The following GRIP1 variants were observed in gnomAD, a reference collection of about 807,000 sequenced individuals.
The protein encoded by GRIP1 is glutamate receptor interacting protein 1.
A neutral mutation model predicts 129.9 loss-of-function variants in GRIP1; 45 were observed. That is an observed-to-expected ratio of 0.35 (90% confidence interval 0.27 to 0.44). The LOEUF (loss-of-function observed/expected upper bound fraction) is 0.44, where lower values mean the gene tolerates loss of function less well. GRIP1 is among the 20% of genes least tolerant of loss of function. The pLI is 1.00. For missense variants in GRIP1, 1,196 were observed against 1,396.8 expected (o/e 0.86, Z 2.29); for synonymous variants, 530 against 520.8 (o/e 1.02, Z -0.24).
intron 2 of GRIP1, among the ~76,000 whole-genome samples, chr12:66,596,602 T>G (rs977893029): frequency 2.0e-5 from 3 of 152,176 alleles, no homozygotes; most frequent in Admixed American, 1.3e-4. Context: ...CAAATTCAAG[T>G]CATTTTGCAA....
Position 66,988,007 on chromosome 12 carries a change from C to T in GRIP1, c.58+81043G>A, listed in dbSNP as rs74902352. 2.0e-5 allele frequency among the ~76,000 whole-genome samples: 3 copies of T among 152,228 alleles called. No individual in the cohort carries two copies. The East Asian group carries it at 5.8e-4, about 29-fold the overall frequency. ...AGTTACCTAAGGTCAAGTCATTTAG[C>T]CCCCAAGGTCTCTGTTTCCTCATTT... On this transcript the variant is annotated intron_variant, in intron 1 of 1. Transcript: ENST00000643019.
intron 2 of GRIP1, among the ~76,000 whole-genome samples, chr12:66,559,642 C>CT (rs2062450310): frequency 1.3e-5 from 2 of 151,930 alleles, no homozygotes; most frequent in South Asian, 4.1e-4. Context: ...ACAATGAAAA[C>CT]TTTAAAACCT....
chr12:66,864,849 T>C (rs150610749), intron 1 of GRIP1, among the ~76,000 whole-genome samples: 4 of 152,328 alleles, frequency 2.6e-5, no homozygotes, highest in Middle Eastern at 6.8e-3. Context: ...ATCTCTGGCA[T>C]ATTTCTTGAA....
chr12:66,670,951 T>C (rs2034050561), intron 1 of GRIP1, among the ~76,000 whole-genome samples: 1 of 152,140 alleles, frequency 6.6e-6, no homozygotes, highest in Non-Finnish European at 1.5e-5. Context: ...GGCTGAAACA[T>C]ATCTAGTAGC....
At chr12:66,357,396 T>C (rs948107256) in intron 23 of GRIP1, among the ~76,000 whole-genome samples, 2 of 152,182 alleles carry the variant, frequency 1.3e-5, no homozygotes, top group African/African-American at 4.8e-5. Flanking sequence ...AGATGCTTGA[T>C]TTCAGTCGAG....
intron 1 of GRIP1, among the ~76,000 whole-genome samples, chr12:66,769,317 G>A (rs982194190): frequency 1.3e-5 from 2 of 151,698 alleles, no homozygotes; most frequent in Non-Finnish European, 2.9e-5. Context: ...AGATACTGAG[G>A]CCCACTCAAG....
At chr12:66,495,214 T>C (rs1399173356) in intron 7 of GRIP1, among the ~76,000 whole-genome samples, 1 of 152,174 alleles carries the variant, frequency 6.6e-6, no homozygotes, top group Non-Finnish European at 1.5e-5. Flanking sequence ...GCCAAAAAAT[T>C]AAATTACCTA....
chr12:66,840,332 T>C (rs1346071222), intron 1 of GRIP1, among the ~76,000 whole-genome samples: 1 of 152,176 alleles, frequency 6.6e-6, no homozygotes, highest in East Asian at 1.9e-4. Flanking sequence ...AATAATGAGC[T>C]ATCAGTTTGG....
intron 2 of GRIP1, among the ~76,000 whole-genome samples, chr12:66,547,840 T>C (rs2061993985): frequency 6.6e-6 from 1 of 152,214 alleles, no homozygotes; most frequent in African/African-American, 2.4e-5. Flanking sequence ...GTTCTGTATC[T>C]TGACTCCATC....
chr12:66,374,430 C>T (rs1299062860), intron 22 of GRIP1, among the ~76,000 whole-genome samples: 3 of 152,104 alleles, frequency 2.0e-5, no homozygotes, highest in Non-Finnish European at 4.4e-5. Context: ...TCAGGTGATC[C>T]ACCTGCCTCA....
chr12:66,649,486 G>A (rs1254074953), intron 1 of GRIP1, among the ~76,000 whole-genome samples: 4 of 152,182 alleles, frequency 2.6e-5, no homozygotes, highest in Non-Finnish European at 4.4e-5. Context: ...GACTGACAAT[G>A]TGCAAGGAAC....
intron 1 of GRIP1, among the ~76,000 whole-genome samples, chr12:66,632,112 T>C (rs572524176): frequency 1.3e-5 from 2 of 152,164 alleles, no homozygotes; most frequent in Non-Finnish European, 1.5e-5. Context: ...ACTTGCATTA[T>C]CAGCAAGTCA....
chr12:66,572,464 C>T (rs886751313), intron 2 of GRIP1, among the ~76,000 whole-genome samples: 1 of 152,174 alleles, frequency 6.6e-6, no homozygotes, highest in Admixed American at 6.5e-5. Flanking sequence ...GGGATCAGGG[C>T]AACTCTCAGA....
intron 1 of GRIP1, among the ~76,000 whole-genome samples, chr12:66,688,390 G>T (rs2034857775): frequency 6.6e-6 from 1 of 152,142 alleles, no homozygotes; most frequent in Admixed American, 6.5e-5. Context: ...CAATTTTCAA[G>T]TGCTTTACAA....
chr12:66,881,306 C>T (rs971137569), intron 1 of GRIP1, among the ~76,000 whole-genome samples: 3 of 151,990 alleles, frequency 2.0e-5, no homozygotes, highest in Admixed American at 6.6e-5. Flanking sequence ...TGTAAAGATG[C>T]GATGTGAGGT....
At chr12:66,787,781 T>C (rs1377208112) in intron 1 of GRIP1, among the ~76,000 whole-genome samples, 2 of 152,258 alleles carry the variant, frequency 1.3e-5, no homozygotes, top group Non-Finnish European at 2.9e-5. Flanking sequence ...AGGTACCCAG[T>C]CTATAGTATT....
chr12:66,479,200 GA>G (rs777174359), intron 7 of GRIP1, among the ~76,000 whole-genome samples: 23 of 151,588 alleles, frequency 1.5e-4, no homozygotes, highest in Non-Finnish European at 2.7e-4. Context: ...AAAGAGAAAA[GA>G]ATCAAATAGA....
In GRIP1 at chr12:66,550,921, C is replaced by T. The variant is rs191593806; in HGVS notation, c.137-8971G>A. Among the ~76,000 whole-genome samples, 10 of 152,246 alleles carry T rather than the reference C, an allele frequency of 6.6e-5. No homozygotes were observed. In the East Asian group the frequency reaches 1.2e-3, roughly 18 times the overall value. On this transcript the variant is annotated intron_variant, in intron 2 of 24. Transcript: ENST00000359742. The stretch of plus-strand genomic sequence containing the variant: ...GGAGAAAGCACTGGGCAGGATATCT[C>T]GGAATCACACTTGCTTCAAGAGCCT...
intron 1 of GRIP1, among the ~76,000 whole-genome samples, chr12:66,674,743 T>C (rs951761307): frequency 6.6e-6 from 1 of 152,112 alleles, no homozygotes; most frequent in Non-Finnish European, 1.5e-5. Context: ...TAAGGAACAA[T>C]GACTGAAAAA....
Sources: gnomAD v4.1 joint callset for allele counts (sites outside exome capture counted in the v4.1 genomes callset) on GRCh38, gnomAD v4.1.1 for gene constraint, MANE v1.5 for transcripts, NCBI Gene and HGNC (gene_info 2026-07-23, HGNC 2026-07-21) for gene names.